The following MTR variants were observed in gnomAD, a reference collection of about 807,000 sequenced individuals.
MTR encodes methionine synthase.
In MTR, 84 loss-of-function variants were observed where a neutral mutation model predicts 154.8. The ratio of observed to expected loss-of-function variants is 0.54; its 90% confidence interval spans 0.45 to 0.65. The LOEUF (loss-of-function observed/expected upper bound fraction) is 0.65, where lower values mean the gene tolerates loss of function less well. MTR is among the 30% of genes least tolerant of loss of function. The pLI, the probability that MTR is intolerant of heterozygous loss-of-function variation, is 0.00. For synonymous variants in MTR, 554 were observed against 553.9 expected (o/e 1.00, Z 0.00); for missense variants, 1,275 against 1,570.2 (o/e 0.81, Z 3.18).
chr1:236,824,146 A>C lies in MTR; in HGVS notation c.792A>C (p.Ala264=). 6.2e-7 allele frequency: 1 copy of C among 1,614,052 alleles called. No individual in the cohort carries two copies. The highest frequency in any genetic ancestry group is 1.1e-5 in the South Asian group (1 of 91,080). Residue 264 remains alanine, a synonymous_variant, in exon 9 of 33, where the codon GCA becomes GCC. Transcript: ENST00000366577. ...LCIGLNCALG[A]AEMRPFIEII... ...TTGGATTAAATTGTGCTTTGGGTGCAGCTGAAATGAGACCTTTTATTGAAA... is the reference window on the plus strand; with the variant it reads ...TTGGATTAAATTGTGCTTTGGGTGCCGCTGAAATGAGACCTTTTATTGAAA...
At chr1:236,857,575 G>A (rs1664278353) in intron 18 of MTR, among the ~76,000 whole-genome samples, 1 of 152,222 alleles carries the variant, frequency 6.6e-6, no homozygotes, top group Non-Finnish European at 1.5e-5. Flanking sequence ...ATCAGTCTTT[G>A]TGTAGCATTA....
At chr1:236,815,427 A>G (rs1661531077) in intron 6 of MTR, among the ~76,000 whole-genome samples, 177 bp from the exon 7 acceptor site, 1 of 152,206 alleles carries the variant, frequency 6.6e-6, no homozygotes, top group Non-Finnish European at 1.5e-5. Flanking sequence ...GCACAGTATT[A>G]CACTTGAGAA....
At chr1:236,823,794 A>ATTTTT (rs1324332853) in intron 8 of MTR, among the ~76,000 whole-genome samples, 3 of 23,354 alleles carry the variant, frequency 1.3e-4, no homozygotes, top group African/African-American at 3.3e-4. Context: ...TTCAGGTCAG[A>ATTTTT]TCTTTTTTTT....
At chr1:236,848,966 A>G (rs969318607) in intron 15 of MTR, among the ~76,000 whole-genome samples, 12 of 152,240 alleles carry the variant, frequency 7.9e-5, no homozygotes, top group African/African-American at 2.9e-4. Context: ...AGTCTGCAAT[A>G]TAGATTGCAG....
chr1:236,856,252 A>G (rs983122754), intron 18 of MTR, among the ~76,000 whole-genome samples: 3 of 152,172 alleles, frequency 2.0e-5, no homozygotes, highest in African/African-American at 7.2e-5. Flanking sequence ...TCCCCCAGGT[A>G]GGAGTTGTCT....
Position 236,850,496 on chromosome 1 carries a change from T to C in MTR, c.1668T>C (p.Asn556=), listed in dbSNP as rs1332363755. ...GMEEHNLYAI[N]FIHATKVIKE... ...AGGAACACAACTTGTATGCCATTAA[T>C]TTTATCCATGCAACAAAAGTCATTA... is the stretch of plus-strand genomic sequence containing the variant. Residue 556 remains asparagine, a synonymous_variant, in exon 16 of 33, where the codon AAT becomes AAC. Coordinates refer to ENST00000366577, the MANE Select transcript of MTR (RefSeq NM_000254.3). 1 of 1,613,752 alleles carries C rather than the reference T, an allele frequency of 6.2e-7. No individual in the cohort carries two copies. Among genetic ancestry groups the C allele is most frequent in the African/African-American group, 1.3e-5 (1 of 74,982 alleles).
At chr1:236,865,128 G>C (rs1664754504) in intron 22 of MTR, among the ~76,000 whole-genome samples, 2 of 152,236 alleles carry the variant, frequency 1.3e-5, no homozygotes, top group African/African-American at 4.8e-5. Context: ...TACTGGAACT[G>C]AATGTCAGCA....
At chr1:236,892,625 A>G (rs3768156) in intron 29 of MTR, among the ~76,000 whole-genome samples, 6,282 of 152,276 alleles carry the variant, frequency 0.041, 398 homozygotes, top group East Asian at 0.2. Context: ...TTAAACAAGG[A>G]CAGCTACATC....
chr1:236,862,821 T>C (rs1224377695), intron 21 of MTR, among the ~76,000 whole-genome samples: 1 of 152,220 alleles, frequency 6.6e-6, no homozygotes, highest in African/African-American at 2.4e-5. Context: ...CCAGAGTAAA[T>C]CATTAAGCTT....
chr1:236,846,456 A>G (rs543507844), intron 15 of MTR, among the ~76,000 whole-genome samples: 1 of 152,368 alleles, frequency 6.6e-6, no homozygotes, highest in South Asian at 2.1e-4. Flanking sequence ...AATATATGCA[A>G]CACATTTTCC....
At position 236,824,188 on chromosome 1, in the gene MTR, A is replaced by G; in HGVS notation, c.834A>G (p.Thr278=). The G allele has an allele frequency of 1.2e-6, 2 of 1,614,122 alleles. No homozygotes were observed. Among genetic ancestry groups the G allele is most frequent in the Middle Eastern group, 1.6e-4 (1 of 6,062 alleles). ...TTATTGAAATAATTGGAAAATGTACAACAGCCTATGTCCTCTGTTATCCCA... is the reference window on the plus strand; with the variant it reads ...TTATTGAAATAATTGGAAAATGTACGACAGCCTATGTCCTCTGTTATCCCA... The part of the protein sequence containing the change: ...RPFIEIIGKC[T]TAYVLCYPNA... Residue 278 remains threonine (T), a synonymous_variant, in exon 9 of 33, where the codon ACA becomes ACG. Coordinates refer to ENST00000366577, the MANE Select transcript of MTR (RefSeq NM_000254.3).
intron 8 of MTR, among the ~76,000 whole-genome samples, chr1:236,818,468 G>A (rs1661729951): frequency 6.6e-6 from 1 of 152,170 alleles, no homozygotes; most frequent in South Asian, 2.1e-4. Context: ...TTTTATCGAG[G>A]TCTAAATAAT....
At position 236,819,818 on chromosome 1, in the gene MTR, G is replaced by A. The variant is rs115972407; in HGVS notation, c.764+3275G>A. 806 of 762,408 alleles carry A rather than the reference G, an allele frequency of 1.1e-3. 4 individuals are homozygous for A. The African/African-American group carries it at 0.011, about 11-fold the overall frequency. The allele number at this position is 762,408 out of a possible 1,614,324, so 47.2% of individuals were successfully genotyped here. A position where few individuals can be genotyped will look rare whatever the true frequency, so the allele number is the denominator to read the frequency against. Reference sequence around the variant, plus strand: ...GGACCTGGGAGAAGCTACAGCTGGCGGCTTGTGCCATTGTTGCCATTAAAA... The same window carrying A: ...GGACCTGGGAGAAGCTACAGCTGGCAGCTTGTGCCATTGTTGCCATTAAAA... On this transcript the variant is annotated intron_variant, in intron 8 of 32. Coordinates refer to ENST00000366577, the MANE Select transcript of MTR (RefSeq NM_000254.3).
At position 236,874,923 on chromosome 1, in the gene MTR, G is replaced by A. The variant is rs573760242; in HGVS notation, c.2594+77G>A. On this transcript the variant is annotated intron_variant, in intron 24 of 32. Coordinates refer to ENST00000366577, the MANE Select transcript of MTR (RefSeq NM_000254.3). Reference sequence around the variant, plus strand: ...GTGTTTGAAACAGTGGGAAACCTGTGTTGTTTTGGATTTTCCCTTATGTTT... The same window carrying A: ...GTGTTTGAAACAGTGGGAAACCTGTATTGTTTTGGATTTTCCCTTATGTTT... 2.6e-6 allele frequency: 4 copies of A among 1,522,562 alleles called. No individual in the cohort carries two copies. In the African/African-American group the frequency reaches 5.5e-5, roughly 21 times the overall value. 94.3% of individuals were successfully genotyped at this position (1,522,562 alleles called of 1,614,324 possible). A position where few individuals can be genotyped will look rare whatever the true frequency, so the allele number is the denominator to read the frequency against.
In MTR at chr1:236,842,848, G is replaced by A. The variant is rs189245948; in HGVS notation, c.1515+4249G>A. Among the ~76,000 whole-genome samples the A allele has an allele frequency of 4.1e-3, 614 of 151,582 alleles. 4 individuals carry two copies. Among genetic ancestry groups the A allele is most frequent in the African/African-American group, 0.014 (595 of 41,408 alleles). On this transcript the variant is annotated intron_variant, in intron 15 of 32. Transcript: ENST00000366577. ...CACCTGTAATCCCAACACTTTGGGA[G>A]GCTGAGGCAGGCAGATCACCTGAGT...
rs570154314 is a variant in MTR at position 236,897,505 on chromosome 1, A to T, written c.3712-53A>T. On this transcript the variant is annotated intron_variant, in intron 32 of 32. Transcript: ENST00000366577. ...CTTGGCAAATCTTGTGGAAACTTCT[A>T]TTCCAAAAGTCTTATCATGTTGGTT... is the stretch of plus-strand genomic sequence containing the variant. 3 of 1,528,454 alleles carry T rather than the reference A, an allele frequency of 2.0e-6. No individual in the cohort carries two copies. In the South Asian group the frequency reaches 3.4e-5, roughly 17 times the overall value. The allele number at this position is 1,528,454 out of a possible 1,614,324, so 94.7% of individuals were successfully genotyped here.
rs573957316 is a variant in MTR at position 236,900,639 on chromosome 1, AAAAT to A, written c.*2999_*3002del. 2.3e-3 allele frequency: 349 copies of A among 152,376 alleles called. 4 individuals carry two copies. Among genetic ancestry groups the A allele is most frequent in the African/African-American group, 7.8e-3 (323 of 41,588 alleles). 9.4% of individuals were successfully genotyped at this position (152,376 alleles called of 1,614,324 possible). On this transcript the variant is annotated 3_prime_UTR_variant, in exon 33 of 33. Coordinates refer to ENST00000366577, the MANE Select transcript of MTR (RefSeq NM_000254.3). ...TATGTTCTACTTAAATATATTATAA[AAAAT>A]AAAGGCAAAGTGGAATGATAACCTA...
intron 9 of MTR, among the ~76,000 whole-genome samples, chr1:236,824,892 T>G (rs1051063875): frequency 2.0e-5 from 3 of 152,138 alleles, no homozygotes; most frequent in Non-Finnish European, 4.4e-5. Context: ...TAAGCTGAAG[T>G]CTTACTTGGG....
In MTR at chr1:236,795,611, C is replaced by T. The variant is rs747029081; in HGVS notation, c.-93C>T. The T allele has an allele frequency of 6.2e-7, 1 of 1,601,204 alleles. No individual in the cohort carries two copies. The highest frequency in any genetic ancestry group is 8.5e-7 in the Non-Finnish European group (1 of 1,177,306). The stretch of plus-strand genomic sequence containing the variant: ...CCCGGGCCTTGTGTGGCAGGCTCGC[C>T]TGGCGCTGGCTGGCGTGGCCCTTGG... On this transcript the variant is annotated 5_prime_UTR_variant, in exon 1 of 33. Transcript: ENST00000366577.
Sources: gnomAD v4.1 joint callset for allele counts (sites outside exome capture counted in the v4.1 genomes callset) on GRCh38, gnomAD v4.1.1 for gene constraint, MANE v1.5 for transcripts, NCBI Gene and HGNC (gene_info 2026-07-23, HGNC 2026-07-21) for gene names.